Variants in ARID3C observed in about 807,000 individuals in gnomAD.
ARID3C encodes the protein AT-rich interaction domain 3C.
Under a neutral mutation model 37.9 loss-of-function variants are expected in ARID3C, and 42 were observed. That is an observed-to-expected ratio of 1.11 (90% CI 0.87 to 1.43). ARID3C has a LOEUF of 1.43. Among genes scored for constraint, ARID3C ranks in the 40% most tolerant of loss-of-function variants. The pLI is 0.00. For missense variants in ARID3C, 581 were observed against 548.8 expected, an observed-to-expected ratio of 1.06 and a Z score of -0.59; for synonymous variants, 213 against 228.0, an observed-to-expected ratio of 0.93 and a Z score of 0.59.
At chr9:34,627,308 A>C (rs1247130820) in intron 1 of ARID3C, among the ~76,000 whole-genome samples, 2 of 152,138 alleles carry the variant, frequency 1.3e-5, no homozygotes, top group Non-Finnish European at 2.9e-5. Context: ...GAAGGTAGGC[A>C]GGGTGGTGCT....
chr9:34,621,532 C>G, exon 7 of ARID3C: 1 of 1,563,060 alleles, frequency 6.4e-7, no homozygotes, highest in Non-Finnish European at 8.6e-7. Flanking sequence ...GAAGCTGGCA[C>G]AGGCTGGCGG....
upstream of ARID3C, among the ~76,000 whole-genome samples, chr9:34,630,879 G>A (rs1820717096): frequency 1.3e-5 from 2 of 152,116 alleles, no homozygotes; most frequent in Non-Finnish European, 2.9e-5. Flanking sequence ...AGAAGCTCCA[G>A]TGATCCAATC....
At chr9:34,631,595 G>A (rs1214373501), upstream of ARID3C, among the ~76,000 whole-genome samples, 1 of 151,370 alleles carries the variant, frequency 6.6e-6, no homozygotes, top group African/African-American at 2.4e-5. Flanking sequence ...TTCTAAGTGG[G>A]GGAAATATAC....
At chr9:34,625,889 C>G in intron 1 of ARID3C, 75 bp from the exon 3 acceptor site, 11 of 1,541,596 alleles carry the variant, frequency 7.1e-6, no homozygotes, top group Non-Finnish European at 9.8e-6. Flanking sequence ...CAGGTTGTAC[C>G]CTGAACAAGG....
At chr9:34,624,199 A>C in intron 2 of ARID3C, 152 bp from the exon 4 acceptor site, 1 of 777,652 alleles carries the variant, frequency 1.3e-6, no homozygotes, top group Non-Finnish European at 1.9e-6. Context: ...TGTTTTAGCA[A>C]GAAGGACAGG....
Position 34,623,665 on chromosome 9 carries a change from AGC to A in ARID3C, c.623_624del (p.Ser208IlefsTer79). On this transcript the variant is annotated frameshift_variant, in exon 4 of 7. Coordinates refer to ENST00000378909, the Ensembl canonical transcript of ARID3C. LOFTEE classifies it high-confidence loss of function. ...ATGGCGGCCTGGAGCTCCCCTGGGG[AGC>A]TGAGCGCTCGAGTCTCGCACTCGTA... is the stretch of plus-strand genomic sequence containing the variant. The A allele has an allele frequency of 6.3e-7, 1 of 1,585,508 alleles. No individual in the cohort carries two copies.
intron 2 of ARID3C, among the ~76,000 whole-genome samples, 164 bp downstream of exon 3, chr9:34,625,578 C>T (rs1820643523): frequency 6.9e-6 from 1 of 144,306 alleles, no homozygotes; most frequent in East Asian, 2.4e-4. Flanking sequence ...CTAATTAATC[C>T]TGGGGTGGAG....
rs138916991 is a variant in ARID3C at position 34,621,502 on chromosome 9, C to A, written c.1195G>T (p.Ala399Ser). The A allele has an allele frequency of 5.2e-6, 8 of 1,545,034 alleles. No homozygotes were observed. In the African/African-American group the frequency reaches 1.1e-4, roughly 22 times the overall value. Reference sequence around the variant, plus strand: ...GGGGGCCCTGTGGAGGGTGGGGGTGCAGGGTTGGTTGGACCCTGGGAAGCT... The same window carrying A: ...GGGGGCCCTGTGGAGGGTGGGGGTGAAGGGTTGGTTGGACCCTGGGAAGCT... Residue 399 changes from alanine (A) to serine (S), a missense_variant, in exon 7 of 7, where the codon GCA (alanine) becomes TCA (serine). Ala to Ser is a moderately conservative substitution (Grantham distance 99, BLOSUM62 1). Transcript: ENST00000378909.
chr9:34,631,938 G>C (rs1820726294), upstream of ARID3C, among the ~76,000 whole-genome samples: 1 of 152,216 alleles, frequency 6.6e-6, no homozygotes, highest in Admixed American at 6.5e-5. Context: ...AGGATTGCTT[G>C]TATGTCCTCT....
chr9:34,627,947 C>T, exon 1 of ARID3C: 2 of 1,550,132 alleles, frequency 1.3e-6, no homozygotes, highest in Non-Finnish European at 8.7e-7. Context: ...CAGCAGCGGG[C>T]ATGCAGGGGC....
At chr9:34,628,242 G>A (rs923006708), upstream of ARID3C, 66 of 519,288 alleles carry the variant, frequency 1.3e-4, 1 homozygote, top group African/African-American at 1.2e-3. The surrounding 1 kb of genome is among the most constrained non-coding windows in gnomAD (Gnocchi z 5.2). Flanking sequence ...GACCAGACCC[G>A]GGGAATCAAA....
chr9:34,623,629 G>A (rs1164276941), exon 4 of ARID3C: 4 of 1,604,720 alleles, frequency 2.5e-6, no homozygotes, highest in South Asian at 1.1e-5. Context: ...CCCTCGCGCC[G>A]ATTGCTGTCT....
At position 34,621,980 on chromosome 9, in the gene ARID3C, CT is replaced by C. The variant is rs774536412; in HGVS notation, c.1138+39del. 4 of 1,594,366 alleles carry C rather than the reference CT, an allele frequency of 2.5e-6. No homozygotes were observed. In the Admixed American group the frequency reaches 5.0e-5, roughly 20 times the overall value. ...AATCCCCATGCCAGCCTAAATACCC[CT>C]GACCCCATGCCAGTGTAGACAGCCT... is the stretch of plus-strand genomic sequence containing the variant. On this transcript the variant is annotated intron_variant, in intron 6 of 6. Transcript: ENST00000378909.
At chr9:34,624,113 C>A in intron 2 of ARID3C, 66 bp from the exon 4 acceptor site, 1 of 1,496,680 alleles carries the variant, frequency 6.7e-7, no homozygotes. Context: ...TCCCCAGGGA[C>A]TGATACAGGA....
At chr9:34,621,959 C>T in intron 6 of ARID3C, 61 bp downstream of exon 7, 1 of 1,522,348 alleles carries the variant, frequency 6.6e-7, no homozygotes, top group Non-Finnish European at 9.1e-7. Flanking sequence ...GTCTAAAATC[C>T]CCATGCCAGC....
chr9:34,631,749 A>G (rs1193128518), upstream of ARID3C, among the ~76,000 whole-genome samples: 1 of 152,224 alleles, frequency 6.6e-6, no homozygotes, highest in African/African-American at 2.4e-5. Context: ...ATTTTCTCAC[A>G]ATTCTGTGGG....
intron 1 of ARID3C, among the ~76,000 whole-genome samples, chr9:34,626,092 A>C (rs560444856): frequency 5.7e-4 from 87 of 152,316 alleles, no homozygotes; most frequent in Middle Eastern, 3.4e-3. Context: ...TGGAGCTTGG[A>C]GGCTCAGCCT....
At chr9:34,623,807 T>G in intron 3 of ARID3C, 57 bp downstream of exon 4, 57 of 642,948 alleles carry the variant, frequency 8.9e-5, no homozygotes, top group Non-Finnish European at 1.3e-4. Flanking sequence ...CCCTCCCCCC[T>G]CCCGCCCCAG....
intron 2 of ARID3C, 124 bp downstream of exon 3, chr9:34,625,618 C>G (rs1820644153): frequency 1.0e-6 from 1 of 959,786 alleles, no homozygotes. Context: ...GTTAAAGACG[C>G]TATCGAGGGC....
Sources: allele counts gnomAD v4.1 joint callset (sites outside exome capture counted in the v4.1 genomes callset), GRCh38; gene constraint gnomAD v4.1.1; non-coding constraint Gnocchi (gnomAD v3.1); transcripts MANE v1.5; gene names NCBI Gene and HGNC (gene_info 2026-07-23, HGNC 2026-07-21).